The following RGS17 variants were observed in gnomAD, a reference collection of about 807,000 sequenced individuals.
The protein encoded by RGS17 is regulator of G-protein signaling 17.
Under a neutral mutation model 25.5 loss-of-function variants are expected in RGS17, and 12 were observed. That is an observed-to-expected ratio of 0.47 (90% CI 0.30 to 0.76). The LOEUF (loss-of-function observed/expected upper bound fraction) is 0.76. RGS17 is among the 30% of genes least tolerant of loss of function. The pLI, the probability that RGS17 is intolerant of heterozygous loss-of-function variation, is 0.07. For synonymous variants in RGS17, 71 were observed against 76.9 expected (o/e 0.92, Z 0.40); for missense variants, 196 against 242.2 (o/e 0.81, Z 1.27).
chr6:153,054,404 C>T (rs1162533356), intron 1 of RGS17, among the ~76,000 whole-genome samples: 2 of 151,544 alleles, frequency 1.3e-5, no homozygotes, highest in Admixed American at 6.6e-5. Flanking sequence ...AAATCCCGCA[C>T]TTTGGGAGGT....
intron 1 of RGS17, among the ~76,000 whole-genome samples, chr6:153,085,087 G>C (rs1777034969): frequency 6.6e-6 from 1 of 151,914 alleles, no homozygotes; most frequent in Non-Finnish European, 1.5e-5. Flanking sequence ...CTTTTCCATG[G>C]TTGTAGTAAG....
At chr6:153,014,715 G>A (rs1056399888) in intron 4 of RGS17, among the ~76,000 whole-genome samples, 2 of 151,532 alleles carry the variant, frequency 1.3e-5, no homozygotes, top group African/African-American at 4.9e-5. Flanking sequence ...GGAGAATGGC[G>A]TGAACCTGGG....
At chr6:153,081,035 G>T (rs1490798299) in intron 1 of RGS17, among the ~76,000 whole-genome samples, 1 of 151,874 alleles carries the variant, frequency 6.6e-6, no homozygotes, top group Non-Finnish European at 1.5e-5. Context: ...AGCATCTATT[G>T]TGATATATAT....
At chr6:153,077,569 T>C (rs1776901278) in intron 1 of RGS17, among the ~76,000 whole-genome samples, 2 of 152,148 alleles carry the variant, frequency 1.3e-5, no homozygotes, top group Non-Finnish European at 2.9e-5. Context: ...TAAAATGTCA[T>C]TATTAGAAAG....
At chr6:153,084,906 A>C (rs952321718) in intron 1 of RGS17, among the ~76,000 whole-genome samples, 5 of 152,232 alleles carry the variant, frequency 3.3e-5, no homozygotes, top group African/African-American at 9.6e-5. Context: ...AAGACTTAAA[A>C]ATTGTACGGA....
rs538241786 is a variant in RGS17, at chr6:153,021,898, G to T, written c.444+2364C>A. 8.6e-3 allele frequency among the ~76,000 whole-genome samples: 1,303 copies of T among 152,244 alleles called. 18 individuals are homozygous for T. The highest frequency in any genetic ancestry group is 0.03 in the African/African-American group (1,247 of 41,536). On this transcript the variant is annotated intron_variant, in intron 4 of 4. Transcript: ENST00000206262. ...TTAGTGACTTTCTGGTGAAACTTGT[G>T]TTCAAAAGAAAGAAATTAGGTGAAA... is the stretch of plus-strand genomic sequence containing the variant.
At chr6:153,042,734 C>A (rs6914363) in intron 2 of RGS17, among the ~76,000 whole-genome samples, 17,629 of 152,168 alleles carry the variant, frequency 0.12, 1,170 homozygotes, top group East Asian at 0.3. Flanking sequence ...TTTTCTGAAA[C>A]TGGAGTTTTC....
intron 4 of RGS17, among the ~76,000 whole-genome samples, chr6:153,013,565 G>T (rs1341434031): frequency 6.6e-6 from 1 of 152,224 alleles, no homozygotes; most frequent in Non-Finnish European, 1.5e-5. Context: ...AAGGCATGTC[G>T]AAAGCTGAGA....
At chr6:153,081,442 C>G (rs1219851277) in intron 1 of RGS17, among the ~76,000 whole-genome samples, 2 of 152,042 alleles carry the variant, frequency 1.3e-5, no homozygotes, top group African/African-American at 2.4e-5. Context: ...TCCTTTTAAT[C>G]TTTGCCTACT....
At chr6:153,124,115 T>TATTACTA (rs1777674214) in intron 1 of RGS17, among the ~76,000 whole-genome samples, 1 of 152,236 alleles carries the variant, frequency 6.6e-6, no homozygotes, top group Admixed American at 6.5e-5. Flanking sequence ...TCAATTGGTC[T>TATTACTA]ATTGCTAAAC....
chr6:153,044,291 C>T (rs983127532), intron 1 of RGS17, among the ~76,000 whole-genome samples: 17 of 152,288 alleles, frequency 1.1e-4, no homozygotes, highest in African/African-American at 3.8e-4. Context: ...GCCACGTAAT[C>T]AAGATTGTTG....
chr6:153,120,047 A>C (rs1777603778), intron 1 of RGS17, among the ~76,000 whole-genome samples: 1 of 152,170 alleles, frequency 6.6e-6, no homozygotes, highest in Admixed American at 6.5e-5. Context: ...TTCACCACCT[A>C]TATTCTTGAC....
chr6:153,122,800 C>T (rs919208746), intron 1 of RGS17, among the ~76,000 whole-genome samples: 1 of 151,810 alleles, frequency 6.6e-6, no homozygotes, highest in African/African-American at 2.4e-5. Flanking sequence ...CTCCTTTCTC[C>T]TCAATTTATC....
chr6:153,121,800 T>C (rs187862316), intron 1 of RGS17, among the ~76,000 whole-genome samples: 2 of 152,296 alleles, frequency 1.3e-5, no homozygotes, highest in East Asian at 3.9e-4. Flanking sequence ...CAGTATCACC[T>C]ACGAGAATTT....
chr6:153,025,896 A>T (rs1779295960), intron 3 of RGS17, among the ~76,000 whole-genome samples: 1 of 152,002 alleles, frequency 6.6e-6, no homozygotes, highest in Non-Finnish European at 1.5e-5. Flanking sequence ...AAGCTTAAAA[A>T]TGACCATGAA....
chr6:153,085,365 G>A (rs530574608), intron 1 of RGS17, among the ~76,000 whole-genome samples: 47 of 152,274 alleles, frequency 3.1e-4, no homozygotes, highest in African/African-American at 1.1e-3. Flanking sequence ...AAGCACTTAA[G>A]TGAATTCCAT....
intron 4 of RGS17, 126 bp from the exon 5 acceptor site, chr6:153,011,888 G>C (rs1383658984): frequency 1.5e-6 from 1 of 663,800 alleles, no homozygotes; most frequent in Non-Finnish European, 2.4e-6. Context: ...AAAGTCTTGG[G>C]TTCATCTTTT....
At chr6:153,033,524 C>A (rs555589222) in intron 2 of RGS17, among the ~76,000 whole-genome samples, 12 of 151,964 alleles carry the variant, frequency 7.9e-5, no homozygotes, top group Non-Finnish European at 8.8e-5. Flanking sequence ...TCGAGACCAC[C>A]CTGGGTAACA....
At chr6:153,105,081 T>A (rs564052655) in intron 1 of RGS17, among the ~76,000 whole-genome samples, 1 of 152,244 alleles carries the variant, frequency 6.6e-6, no homozygotes, top group Admixed American at 6.5e-5. Flanking sequence ...GACAGACAGA[T>A]CACACTGGGC....
Sources: gnomAD v4.1 joint callset for allele counts (sites outside exome capture counted in the v4.1 genomes callset) on GRCh38, gnomAD v4.1.1 for gene constraint, MANE v1.5 for transcripts, NCBI Gene and HGNC (gene_info 2026-07-23, HGNC 2026-07-21) for gene names.